Variants in BEND7 observed in about 807,000 individuals in gnomAD.
BEND7 encodes the protein BEN domain-containing protein 7.
BEND7 carries 28 observed loss-of-function variants against 50.9 expected under a neutral mutation model. The ratio of observed to expected loss-of-function variants is 0.55; its 90% CI spans 0.41 to 0.75. BEND7 has a LOEUF of 0.75. BEND7 is among the 30% of genes least tolerant of loss of function. The probability of loss-of-function intolerance (pLI) is 0.00; values close to 1 mark genes in which losing one functional copy is unlikely to be tolerated. For missense variants in BEND7, 477 were observed against 491.3 expected, an observed-to-expected ratio of 0.97 and a Z score of 0.28; for synonymous variants, 170 against 183.9, an observed-to-expected ratio of 0.92 and a Z score of 0.61.
At chr10:13,498,760 G>T (rs2077221104) in intron 3 of BEND7, among the ~76,000 whole-genome samples, 1 of 152,132 alleles carries the variant, frequency 6.6e-6, no homozygotes, top group South Asian at 2.1e-4. Context: ...TTAAAGAGCT[G>T]TGTCCCTCTA....
chr10:13,502,420 A>G (rs2077537850), intron 2 of BEND7, among the ~76,000 whole-genome samples: 1 of 152,184 alleles, frequency 6.6e-6, no homozygotes. Context: ...AGATAAAACT[A>G]TTTCTACTTC....
intron 2 of BEND7, among the ~76,000 whole-genome samples, chr10:13,521,891 G>A (rs1396151755): frequency 6.6e-6 from 1 of 152,202 alleles, no homozygotes; most frequent in Admixed American, 6.5e-5. Context: ...ACTTGTAAAA[G>A]TGCAGAGGAA....
chr10:13,527,895 CT>C (rs1034944391), intron 1 of BEND7: 58 of 963,294 alleles, frequency 6.0e-5, no homozygotes, highest in Non-Finnish European at 6.5e-5. Context: ...TTTCTTTTTT[CT>C]TTTTTTTAAA....
At chr10:13,458,519 G>A (rs905329010) in intron 6 of BEND7, among the ~76,000 whole-genome samples, 3 of 152,188 alleles carry the variant, frequency 2.0e-5, no homozygotes, top group Non-Finnish European at 4.4e-5. Context: ...CTTTCACATC[G>A]CTGTGAAATC....
intron 6 of BEND7, among the ~76,000 whole-genome samples, chr10:13,471,392 C>T (rs1162022757): frequency 6.6e-6 from 1 of 152,244 alleles, no homozygotes; most frequent in Non-Finnish European, 1.5e-5. Context: ...TCTGTTAACA[C>T]ACTGTTTGGG....
chr10:13,454,909 C>G (rs1235829248), intron 6 of BEND7, among the ~76,000 whole-genome samples: 1 of 152,148 alleles, frequency 6.6e-6, no homozygotes, highest in Admixed American at 6.5e-5. Flanking sequence ...CGGTGGCTCA[C>G]GCCTGTAATC....
intron 2 of BEND7, among the ~76,000 whole-genome samples, chr10:13,510,995 T>C (rs898479692): frequency 6.6e-6 from 1 of 152,106 alleles, no homozygotes; most frequent in Non-Finnish European, 1.5e-5. Flanking sequence ...CTGGCCAACA[T>C]GGTGAAACCC....
chr10:13,526,062 A>C (rs2079442613), intron 2 of BEND7, 76 bp downstream of exon 2: 1 of 737,574 alleles, frequency 1.4e-6, no homozygotes, highest in Non-Finnish European at 2.0e-6. Flanking sequence ...CCCGTTCCTG[A>C]ACAATTTCCT....
At chr10:13,528,012 C>A (rs186680199) in intron 1 of BEND7, among the ~76,000 whole-genome samples, 1 of 152,310 alleles carries the variant, frequency 6.6e-6, no homozygotes, top group East Asian at 1.9e-4. Context: ...GGCTTGGACA[C>A]GGCGTGAGCT....
At chr10:13,451,730 A>C (rs1451213973) in intron 7 of BEND7, among the ~76,000 whole-genome samples, 1 of 150,170 alleles carries the variant, frequency 6.7e-6, no homozygotes, top group Non-Finnish European at 1.5e-5. Flanking sequence ...ATTTAACATT[A>C]GTTATATCCC....
intron 2 of BEND7, among the ~76,000 whole-genome samples, chr10:13,518,129 A>G (rs1032817706): frequency 6.6e-6 from 1 of 152,212 alleles, no homozygotes; most frequent in African/African-American, 2.4e-5. Flanking sequence ...TTTTTTTTCA[A>G]TGATTTGGTC....
At chr10:13,492,546 A>G in intron 5 of BEND7, 65 bp downstream of exon 5, 3 of 1,579,204 alleles carry the variant, frequency 1.9e-6, no homozygotes, top group Non-Finnish European at 2.6e-6. Context: ...GGAAATCTAT[A>G]AATACTATAA....
chr10:13,497,895 T>C (rs900951493), intron 3 of BEND7, among the ~76,000 whole-genome samples: 4 of 152,160 alleles, frequency 2.6e-5, no homozygotes, highest in Admixed American at 6.5e-5. Flanking sequence ...AGGAATACTA[T>C]AGAAAAATTC....
At chr10:13,439,316 G>C (rs147487918), downstream of BEND7, 173 of 1,614,124 alleles carry the variant, frequency 1.1e-4, no homozygotes, top group African/African-American at 1.9e-3. Context: ...GGCTGGTTTG[G>C]GACAAAGCTC....
chr10:13,523,324 G>A (rs1375358225), intron 2 of BEND7, among the ~76,000 whole-genome samples: 1 of 152,190 alleles, frequency 6.6e-6, no homozygotes, highest in African/African-American at 2.4e-5. Flanking sequence ...TAAAGCACGA[G>A]GCCAAGCCAT....
chr10:13,497,260 A>C (rs898062374), intron 3 of BEND7, among the ~76,000 whole-genome samples: 6 of 152,254 alleles, frequency 3.9e-5, no homozygotes, highest in African/African-American at 1.4e-4. Flanking sequence ...ACAAAAAAGG[A>C]GCCCTGAGGA....
intron 5 of BEND7, among the ~76,000 whole-genome samples, chr10:13,487,535 C>A (rs528429954): frequency 6.6e-6 from 1 of 151,806 alleles, no homozygotes; most frequent in Admixed American, 6.6e-5. Context: ...TACAGGCATG[C>A]GCCACCACGC....
chr10:13,502,655 G>A (rs773729783), intron 2 of BEND7, among the ~76,000 whole-genome samples: 11 of 152,134 alleles, frequency 7.2e-5, no homozygotes, highest in South Asian at 6.2e-4. Context: ...ATACGTTCCC[G>A]GCTAGTTAAC....
At chr10:13,519,550 A>G (rs573421557) in intron 2 of BEND7, among the ~76,000 whole-genome samples, 14 of 152,346 alleles carry the variant, frequency 9.2e-5, no homozygotes, top group Admixed American at 6.5e-4. Context: ...GGGTAATAAA[A>G]ACAGAAATAC....
Sources: allele counts gnomAD v4.1 joint callset (sites outside exome capture counted in the v4.1 genomes callset), GRCh38; gene constraint gnomAD v4.1.1; transcripts MANE v1.5; gene names NCBI Gene and HGNC (gene_info 2026-07-23, HGNC 2026-07-21).